The following ANKEF1 variants were observed in gnomAD, a reference collection of about 807,000 sequenced individuals.
ANKEF1 encodes ankyrin repeat and EF-hand domain containing 1.
In ANKEF1, 43 loss-of-function variants were observed where a neutral mutation model predicts 65.1. The ratio of observed to expected loss-of-function variants is 0.66; its 90% confidence interval spans 0.52 to 0.85. The LOEUF (loss-of-function observed/expected upper bound fraction) is 0.85, where lower values mean the gene tolerates loss of function less well. ANKEF1 is among the 40% of genes least tolerant of loss of function. The probability of loss-of-function intolerance (pLI) is 0.00; values close to 1 mark genes in which losing one functional copy is unlikely to be tolerated. For missense variants in ANKEF1, 934 were observed against 952.9 expected, an observed-to-expected ratio of 0.98 and a Z score of 0.26; for synonymous variants, 316 against 341.5, an observed-to-expected ratio of 0.93 and a Z score of 0.82.
At chr20:10,041,250 A>G (rs1984172050) in intron 3 of ANKEF1, among the ~76,000 whole-genome samples, 1 of 151,746 alleles carries the variant, frequency 6.6e-6, no homozygotes, top group African/African-American at 2.4e-5. Context: ...ATATGCTTGT[A>G]AGTGTATTTT....
rs1386222180 is a variant in ANKEF1, at chr20:10,049,657, T to C, written c.1088T>C (p.Leu363Ser). Residue 363 changes from leucine (L) to serine (S), a missense_variant, in exon 7 of 11, where the codon TTG becomes TCG. Physicochemically the swap from Leu to Ser is moderately radical, Grantham distance 145. Coordinates refer to ENST00000378392, the MANE Select transcript of ANKEF1 (RefSeq NM_022096.6). Reference protein sequence around the residue: ...SISKNDFVMVLEERQDYASSE... With the variant: ...SISKNDFVMVSEERQDYASSE... The stretch of plus-strand genomic sequence containing the variant: ...AGCAAGAACGACTTCGTGATGGTGT[T>C]GGAGGAAAGGCAGGATTATGCAAGC... 6.2e-7 allele frequency: 1 copy of C among 1,614,108 alleles called. No homozygotes were observed.
Position 10,055,632 on chromosome 20 carries a change from G to C in ANKEF1, c.2303G>C (p.Arg768Pro). 1 of 1,613,740 alleles carries C rather than the reference G, an allele frequency of 6.2e-7. No homozygotes were observed. Among genetic ancestry groups the C allele is most frequent in the Non-Finnish European group, 8.5e-7 (1 of 1,179,782 alleles). ...CAGAAGAACATCACAGAGAAAGCTCGAGCACTGGAAGCTGCCTTGAAGACC... is the reference window on the plus strand; with the variant it reads ...CAGAAGAACATCACAGAGAAAGCTCCAGCACTGGAAGCTGCCTTGAAGACC... Reference protein sequence around the residue: ...PFQKNITEKARALEAALKT With the variant: ...PFQKNITEKAPALEAALKT The change falls in exon 11 of 11, where the codon CGA becomes CCA. Residue 768 changes from arginine to proline, a missense_variant. Arg to Pro is a moderately radical substitution (Grantham distance 103, BLOSUM62 -2). Transcript: ENST00000378392.
At chr20:10,037,777 A>G (rs1025158128) in intron 2 of ANKEF1, among the ~76,000 whole-genome samples, 1 of 152,258 alleles carries the variant, frequency 6.6e-6, no homozygotes. Flanking sequence ...ACTTAAGATG[A>G]CATAGGAATC....
In ANKEF1 at chr20:10,045,652, GC is replaced by G; in HGVS notation, c.777del (p.Met260TrpfsTer11). ...TGGGAACACACCACTTCATTATGCT[GC>G]CATGGGTGGTTTTGCAGACTGCTGT... ...INGNTPLHYA[A>X]MGGFADCCKY... is the part of the protein sequence containing the mutation. On this transcript the variant is annotated frameshift_variant, in exon 6 of 11. Coordinates refer to ENST00000378392, the MANE Select transcript of ANKEF1 (RefSeq NM_022096.6). LOFTEE classifies it high-confidence loss of function. 6.2e-7 allele frequency: 1 copy of G among 1,613,844 alleles called. No individual in the cohort carries two copies. The highest frequency in any genetic ancestry group is 8.5e-7 in the Non-Finnish European group (1 of 1,179,826).
Position 10,051,909 on chromosome 20 carries a change from A to G in ANKEF1, c.1870+20A>G, listed in dbSNP as rs1036266173. On this transcript the variant is annotated intron_variant, in intron 8 of 10. Coordinates refer to ENST00000378392, the MANE Select transcript of ANKEF1 (RefSeq NM_022096.6). ...GAAAAGGTATGCGTTCATATTATTG[A>G]TGATTAGGGTTAGAAAAGGAGAACT... 2 of 1,552,976 alleles carry G rather than the reference A, an allele frequency of 1.3e-6. No individual in the cohort carries two copies. The highest frequency in any genetic ancestry group is 4.5e-5 in the East Asian group (2 of 44,128).
At chr20:10,039,617 A>T (rs1473024733) in intron 3 of ANKEF1, among the ~76,000 whole-genome samples, 4 of 152,226 alleles carry the variant, frequency 2.6e-5, no homozygotes, top group African/African-American at 9.6e-5. Context: ...CAGGGGCCAG[A>T]TGTACTTTGA....
chr20:10,057,198 C>T lies in ANKEF1; in HGVS notation c.*1538C>T, dbSNP rs6087121. On this transcript the variant is annotated 3_prime_UTR_variant, in exon 11 of 11. Transcript: ENST00000378392. ...CTAACCTCCTCCCTCTCTTTCCAAC[C>T]TTGGAGGGACCTTCCACAGGAGCCA... 1.3e-5 allele frequency: 2 copies of T among 152,230 alleles called. No homozygotes were observed. The highest frequency in any genetic ancestry group is 4.8e-5 in the African/African-American group (2 of 41,432). The allele number at this position is 152,230 out of a possible 1,614,324, so 9.4% of individuals were successfully genotyped here.
intron 9 of ANKEF1, among the ~76,000 whole-genome samples, chr20:10,054,056 TG>T (rs1387305820): frequency 6.6e-6 from 1 of 152,088 alleles, no homozygotes; most frequent in East Asian, 1.9e-4. Context: ...GTCATCAAAT[TG>T]GAAAGCATTG....
rs1286412713 is a variant in ANKEF1 at position 10,056,316 on chromosome 20, C to A, written c.*656C>A. 1 of 99,688 alleles carries A rather than the reference C, an allele frequency of 1.0e-5. No individual in the cohort carries two copies. The highest frequency in any genetic ancestry group is 3.7e-5 in the African/African-American group (1 of 26,808). 6.2% of individuals were successfully genotyped at this position (99,688 alleles called of 1,614,324 possible). A position where few individuals can be genotyped will look rare whatever the true frequency, so the allele number is the denominator to read the frequency against. ...TAGCCCTAGATAGATAGCCCTAGCCCTAGATAGATAGCTATTAGGTTGGTG... is the reference window on the plus strand; with the variant it reads ...TAGCCCTAGATAGATAGCCCTAGCCATAGATAGATAGCTATTAGGTTGGTG... On this transcript the variant is annotated 3_prime_UTR_variant, in exon 11 of 11. Transcript: ENST00000378392.
At chr20:10,049,354 G>C in intron 6 of ANKEF1, 36 bp from the exon 7 acceptor site, 1 of 1,550,948 alleles carries the variant, frequency 6.4e-7, no homozygotes, top group Non-Finnish European at 8.7e-7. Context: ...CAAATGCCTT[G>C]GCACCATTCA....
chr20:10,046,424 T>C (rs1388647936), intron 6 of ANKEF1, among the ~76,000 whole-genome samples: 1 of 152,192 alleles, frequency 6.6e-6, no homozygotes, highest in South Asian at 2.1e-4. Flanking sequence ...TTTGCAGTTA[T>C]GGGGAAAATA....
rs150596900 is a variant in ANKEF1 at position 10,053,231 on chromosome 20, C to T, written c.1990C>T (p.Pro664Ser). ...AENQKLKGKTPPILKTEGPEI... is the reference protein window; with the variant it reads ...AENQKLKGKTSPILKTEGPEI... Reference sequence around the variant, plus strand: ...AAATCAAAAACTAAAAGGCAAGACACCTCCTATACTGAAGACTGAAGGCCC... The same window carrying T: ...AAATCAAAAACTAAAAGGCAAGACATCTCCTATACTGAAGACTGAAGGCCC... Residue 664 changes from proline (P) to serine (S), a missense_variant, in exon 9 of 11, where the codon CCT (proline) becomes TCT (serine). Physicochemically the swap from Pro to Ser is moderately conservative, Grantham distance 74. Coordinates refer to ENST00000378392, the MANE Select transcript of ANKEF1 (RefSeq NM_022096.6). 1 of 1,611,664 alleles carries T rather than the reference C, an allele frequency of 6.2e-7. No individual in the cohort carries two copies. The highest frequency in any genetic ancestry group is 8.5e-7 in the Non-Finnish European group (1 of 1,179,302).
At chr20:10,051,414 A>G (rs754281345) in intron 7 of ANKEF1, among the ~76,000 whole-genome samples, 6 of 152,234 alleles carry the variant, frequency 3.9e-5, no homozygotes, top group Non-Finnish European at 5.9e-5. Context: ...ATCTGATTTT[A>G]TAATTTTCCT....
chr20:10,046,516 G>A (rs757684502), intron 6 of ANKEF1, among the ~76,000 whole-genome samples: 3 of 152,032 alleles, frequency 2.0e-5, no homozygotes, highest in African/African-American at 4.8e-5. Flanking sequence ...TTTTCCTGTA[G>A]CTTTTAAGTA....
At chr20:10,052,367 A>C (rs1003537546) in intron 8 of ANKEF1, among the ~76,000 whole-genome samples, 32 of 152,200 alleles carry the variant, frequency 2.1e-4, no homozygotes, top group Admixed American at 4.6e-4. Flanking sequence ...TAATAATTGC[A>C]TACCCTATAG....
chr20:10,055,572 A>C lies in ANKEF1; in HGVS notation c.2243A>C (p.His748Pro). The part of the protein sequence containing the change: ...KRELRRERFT[H>P]EVDFDDFMMP... Reference sequence around the variant, plus strand: ...GAACTACGGCGAGAGAGGTTTACACATGAGGTGGACTTCGACGATTTTATG... The same window carrying C: ...GAACTACGGCGAGAGAGGTTTACACCTGAGGTGGACTTCGACGATTTTATG... The change falls in exon 11 of 11, where the codon CAT (histidine) becomes CCT (proline). Residue 748 changes from histidine to proline, a missense_variant. By Grantham distance (77) the His-to-Pro change is moderately conservative (BLOSUM62 -2). Transcript: ENST00000378392. 6.2e-7 allele frequency: 1 copy of C among 1,613,864 alleles called. No individual in the cohort carries two copies.
At chr20:10,036,756 C>T (rs569307013) in intron 2 of ANKEF1, among the ~76,000 whole-genome samples, 5 of 152,158 alleles carry the variant, frequency 3.3e-5, no homozygotes, top group South Asian at 4.1e-4. Flanking sequence ...GCAGGAGAAT[C>T]GCTTGAACCC....
intron 7 of ANKEF1, 56 bp from the exon 8 acceptor site, chr20:10,051,607 G>C: frequency 7.5e-7 from 1 of 1,325,028 alleles, no homozygotes; most frequent in Non-Finnish European, 1.1e-6. Context: ...TGCATTTTTA[G>C]TGTCCAGTCA....
intron 10 of ANKEF1, 149 bp downstream of exon 10, chr20:10,054,748 C>T: frequency 1.3e-6 from 1 of 753,494 alleles, no homozygotes; most frequent in South Asian, 2.0e-5. Context: ...GGTTCTGGTA[C>T]TTTCAACTCA....
Sources: gnomAD v4.1 joint callset for allele counts (sites outside exome capture counted in the v4.1 genomes callset) on GRCh38, gnomAD v4.1.1 for gene constraint, MANE v1.5 for transcripts, NCBI Gene and HGNC (gene_info 2026-07-23, HGNC 2026-07-21) for gene names.